PTPRD: variants seen among roughly 807,000 people sequenced by gnomAD.
The protein encoded by PTPRD is protein tyrosine phosphatase receptor type D.
In PTPRD, 34 loss-of-function variants were observed where a neutral mutation model predicts 214.5. The observed-to-expected ratio is 0.16, with a 90% confidence interval of 0.12 to 0.21. The LOEUF (loss-of-function observed/expected upper bound fraction) is 0.21. PTPRD is among the 10% of genes least tolerant of loss of function. The pLI is 1.00. For missense variants in PTPRD, 2,545 were observed against 2,398.7 expected, an observed-to-expected ratio of 1.06 and a Z score of -1.27; for synonymous variants, 1,128 against 845.7, an observed-to-expected ratio of 1.33 and a Z score of -5.79.
intron 5 of PTPRD, among the ~76,000 whole-genome samples, chr9:9,777,913 T>C (rs1006486709): frequency 7.2e-5 from 11 of 152,164 alleles, no homozygotes; most frequent in African/African-American, 2.4e-4. Flanking sequence ...ACATGAGTCA[T>C]TGTCTATAAT....
intron 9 of PTPRD, among the ~76,000 whole-genome samples, chr9:9,360,361 T>A (rs2055609778): frequency 6.6e-6 from 1 of 151,206 alleles, no homozygotes; most frequent in East Asian, 1.9e-4. Flanking sequence ...GAAATCTGAA[T>A]CTATGGAAGC....
At chr9:9,874,679 G>A (rs1281978056) in intron 5 of PTPRD, among the ~76,000 whole-genome samples, 1 of 152,080 alleles carries the variant, frequency 6.6e-6, no homozygotes, top group Non-Finnish European at 1.5e-5. Flanking sequence ...TATGTTCACA[G>A]TCCTCCAGTC....
At chr9:9,641,798 C>T (rs1437922581) in intron 7 of PTPRD, among the ~76,000 whole-genome samples, 1 of 152,040 alleles carries the variant, frequency 6.6e-6, no homozygotes, top group Non-Finnish European at 1.5e-5. Context: ...AAGGAACTCC[C>T]CAAACCACCG....
intron 8 of PTPRD, among the ~76,000 whole-genome samples, chr9:9,434,254 C>A (rs1588313078): frequency 6.6e-6 from 1 of 152,156 alleles, no homozygotes; most frequent in Non-Finnish European, 1.5e-5. Context: ...TAAAAACAAT[C>A]TTAACCTTAG....
intron 11 of PTPRD, among the ~76,000 whole-genome samples, chr9:8,889,612 C>T (rs1293169628): frequency 6.6e-6 from 1 of 151,076 alleles, no homozygotes; most frequent in Non-Finnish European, 1.5e-5. Context: ...TCCCTGATCC[C>T]CCACCCACCC....
intron 14 of PTPRD, among the ~76,000 whole-genome samples, chr9:8,564,178 G>A (rs999251543): frequency 6.6e-6 from 1 of 152,064 alleles, no homozygotes. Flanking sequence ...TGTGTTTCCT[G>A]ATTATTTTTT....
At chr9:9,886,120 G>A (rs977898753) in intron 5 of PTPRD, among the ~76,000 whole-genome samples, 2 of 151,958 alleles carry the variant, frequency 1.3e-5, no homozygotes, top group Non-Finnish European at 2.9e-5. Flanking sequence ...AGCCACTTCC[G>A]GAAAAAGAAT....
chr9:9,244,132 A>G (rs1034218838), intron 9 of PTPRD, among the ~76,000 whole-genome samples: 2 of 152,182 alleles, frequency 1.3e-5, no homozygotes, highest in African/African-American at 4.8e-5. Flanking sequence ...CTACAAAATA[A>G]AAGAGGATAC....
intron 3 of PTPRD, among the ~76,000 whole-genome samples, chr9:10,334,312 C>A (rs886195931): frequency 6.6e-6 from 1 of 151,280 alleles, no homozygotes; most frequent in Non-Finnish European, 1.5e-5. Flanking sequence ...ATAATAATAC[C>A]AATAGATCCA....
intron 5 of PTPRD, among the ~76,000 whole-genome samples, chr9:9,828,988 T>G (rs2053930435): frequency 6.6e-6 from 1 of 151,946 alleles, no homozygotes; most frequent in Admixed American, 6.6e-5. Context: ...TTATCCTGCC[T>G]AATACATCTG....
chr9:9,357,488 G>A (rs374596428), intron 9 of PTPRD, among the ~76,000 whole-genome samples: 46 of 151,290 alleles, frequency 3.0e-4, no homozygotes, highest in African/African-American at 1.0e-3. Context: ...TTTGAATGGC[G>A]TTAGTCACTA....
At chr9:9,356,201 T>C (rs2053707116) in intron 9 of PTPRD, among the ~76,000 whole-genome samples, 1 of 151,018 alleles carries the variant, frequency 6.6e-6, no homozygotes, top group Non-Finnish European at 1.5e-5. Flanking sequence ...GCAGAGGAAA[T>C]GGGGACAAGA....
intron 3 of PTPRD, among the ~76,000 whole-genome samples, chr9:10,323,007 T>C (rs2096578957): frequency 6.6e-6 from 1 of 151,976 alleles, no homozygotes; most frequent in African/African-American, 2.4e-5. Context: ...AACAAAATTA[T>C]TTGATTCATA....
At chr9:9,907,586 C>T (rs1358394854) in intron 5 of PTPRD, among the ~76,000 whole-genome samples, 1 of 151,922 alleles carries the variant, frequency 6.6e-6, no homozygotes, top group Non-Finnish European at 1.5e-5. Context: ...ATTCTTCTAA[C>T]CTCATTTAAC....
chr9:9,797,082 T>G (rs1353957940), intron 5 of PTPRD, among the ~76,000 whole-genome samples: 1 of 151,890 alleles, frequency 6.6e-6, no homozygotes, highest in East Asian at 1.9e-4. Context: ...ACACTGTACT[T>G]TAAAGAAATA....
intron 35 of PTPRD, among the ~76,000 whole-genome samples, chr9:8,405,728 G>C (rs1223724899): frequency 1.3e-5 from 2 of 151,962 alleles, no homozygotes; most frequent in South Asian, 4.2e-4. Context: ...TGATAAAACA[G>C]GTTTATACCC....
chr9:8,754,165 T>A (rs72702322), intron 11 of PTPRD, among the ~76,000 whole-genome samples: 11,008 of 152,158 alleles, frequency 0.072, 1,142 homozygotes, highest in African/African-American at 0.23. Flanking sequence ...CTCATTCTTA[T>A]AACGATGTCA....
intron 4 of PTPRD, among the ~76,000 whole-genome samples, chr9:9,962,638 A>G (rs1315068325): frequency 6.6e-6 from 1 of 152,140 alleles, no homozygotes; most frequent in East Asian, 1.9e-4. Context: ...AACGGTAGAC[A>G]TAAATACTAT....
chr9:9,443,050 A>G (rs1371178885), intron 8 of PTPRD, among the ~76,000 whole-genome samples: 1 of 152,178 alleles, frequency 6.6e-6, no homozygotes, highest in African/African-American at 2.4e-5. Flanking sequence ...AATCCCCAAA[A>G]TGTGCCACAA....
Sources: allele counts gnomAD v4.1 joint callset (sites outside exome capture counted in the v4.1 genomes callset), GRCh38; gene constraint gnomAD v4.1.1; transcripts MANE v1.5; gene names NCBI Gene and HGNC (gene_info 2026-07-23, HGNC 2026-07-21).